The following CACNB4 variants were observed in gnomAD, a reference collection of about 807,000 sequenced individuals.
The protein encoded by CACNB4 is calcium voltage-gated channel auxiliary subunit beta 4, also known as voltage-dependent L-type calcium channel subunit beta-4.
In CACNB4, 32 loss-of-function variants were observed where a neutral mutation model predicts 71.2. The ratio of observed to expected loss-of-function variants is 0.45; its 90% CI spans 0.34 to 0.60. The LOEUF (loss-of-function observed/expected upper bound fraction) is 0.60. Among genes scored for constraint, CACNB4 ranks in the 20% least tolerant of loss-of-function variants. The probability of loss-of-function intolerance (pLI) is 0.01; values close to 1 mark genes in which losing one functional copy is unlikely to be tolerated. For missense variants in CACNB4, 464 were observed against 647.9 expected, an observed-to-expected ratio of 0.72 and a Z score of 3.08; for synonymous variants, 231 against 236.9, an observed-to-expected ratio of 0.97 and a Z score of 0.23.
intron 12 of CACNB4, chr2:151,851,504 A>C (rs1341571594): frequency 1.3e-5 from 2 of 152,216 alleles, no homozygotes; most frequent in Non-Finnish European, 2.9e-5. Context: ...ACCTGGGTAC[A>C]AGTCCTAAGG....
At chr2:151,892,468 G>A (rs2099850954) in intron 2 of CACNB4, among the ~76,000 whole-genome samples, 1 of 152,064 alleles carries the variant, frequency 6.6e-6, no homozygotes, top group Non-Finnish European at 1.5e-5. Flanking sequence ...CTTGAGCCTC[G>A]CCCATGTCAT....
chr2:152,089,276 C>T (rs1197344040), intron 2 of CACNB4, among the ~76,000 whole-genome samples: 1 of 152,144 alleles, frequency 6.6e-6, no homozygotes, highest in Non-Finnish European at 1.5e-5. Flanking sequence ...GATTGGGGTT[C>T]GTTGGGGATA....
At chr2:151,892,140 C>T (rs1428417667) in intron 2 of CACNB4, among the ~76,000 whole-genome samples, 1 of 152,102 alleles carries the variant, frequency 6.6e-6, no homozygotes, top group Admixed American at 6.5e-5. Context: ...ACTGATGAGG[C>T]GCTGATCATT....
chr2:151,971,663 C>A, intron 2 of CACNB4: 2 of 701,776 alleles, frequency 2.8e-6, no homozygotes, highest in Non-Finnish European at 5.2e-6. Flanking sequence ...TGGCTTGAAG[C>A]TCTGTTCACA....
chr2:151,869,381 A>G, intron 8 of CACNB4, 146 bp from the exon 9 acceptor site: 2 of 583,296 alleles, frequency 3.4e-6, no homozygotes, highest in Non-Finnish European at 6.3e-6. Flanking sequence ...TTACCATGGA[A>G]GGTGTTTTTC....
At chr2:152,062,535 G>A (rs960268278) in intron 2 of CACNB4, among the ~76,000 whole-genome samples, 4 of 152,104 alleles carry the variant, frequency 2.6e-5, no homozygotes, top group African/African-American at 7.2e-5. Context: ...CAAGCCAAGG[G>A]GGTACATACA....
At chr2:151,994,085 T>C (rs1681893376) in intron 2 of CACNB4, among the ~76,000 whole-genome samples, 1 of 151,800 alleles carries the variant, frequency 6.6e-6, no homozygotes, top group Non-Finnish European at 1.5e-5. Context: ...GGTAGGAGAA[T>C]TGCTTTAGCC....
intron 2 of CACNB4, among the ~76,000 whole-genome samples, chr2:152,034,465 C>T (rs916120631): frequency 1.3e-5 from 2 of 152,210 alleles, no homozygotes; most frequent in Admixed American, 6.5e-5. Flanking sequence ...CAACGCTTAT[C>T]CTGCAAGAGC....
chr2:152,049,855 T>C (rs897534301), intron 2 of CACNB4, among the ~76,000 whole-genome samples: 3 of 152,244 alleles, frequency 2.0e-5, no homozygotes, highest in African/African-American at 7.2e-5. Flanking sequence ...TTTTAGAGCG[T>C]TCAAGTTAAG....
intron 2 of CACNB4, among the ~76,000 whole-genome samples, chr2:151,891,754 T>C (rs2099850759): frequency 6.6e-6 from 1 of 152,220 alleles, no homozygotes; most frequent in Non-Finnish European, 1.5e-5. Context: ...AGTGAGATTG[T>C]GGAGCTCACT....
Position 151,960,526 on chromosome 2 carries a change from G to C in CACNB4, c.148-77156C>G, listed in dbSNP as rs190312275. Reference sequence around the variant, plus strand: ...CTGGGCACATAACCACCACCATTGCGATCGGTCCCAGGGAGGGCAGTGAAG... The same window carrying C: ...CTGGGCACATAACCACCACCATTGCCATCGGTCCCAGGGAGGGCAGTGAAG... On this transcript the variant is annotated intron_variant, in intron 2 of 13. Coordinates refer to ENST00000539935, the MANE Select transcript of CACNB4 (RefSeq NM_000726.5). 2.8e-3 allele frequency among the ~76,000 whole-genome samples: 434 copies of C among 152,284 alleles called. 5 individuals are homozygous for C. Among genetic ancestry groups the C allele is most frequent in the Middle Eastern group, 0.01 (3 of 294 alleles).
chr2:152,002,997 A>G (rs73013224), intron 2 of CACNB4, among the ~76,000 whole-genome samples: 3,414 of 152,350 alleles, frequency 0.022, 124 homozygotes, highest in African/African-American at 0.078. Context: ...CATTCCATCA[A>G]TGAACATCAT....
chr2:151,903,731 A>G (rs1372259422), intron 2 of CACNB4, among the ~76,000 whole-genome samples: 1 of 152,148 alleles, frequency 6.6e-6, no homozygotes, highest in Non-Finnish European at 1.5e-5. Context: ...TACTTGTTGT[A>G]TAAGGTAGGT....
chr2:152,070,475 C>G (rs916219337), intron 2 of CACNB4, among the ~76,000 whole-genome samples: 4 of 152,104 alleles, frequency 2.6e-5, no homozygotes, highest in African/African-American at 9.7e-5. Flanking sequence ...TGAAGTCATA[C>G]ATGCTTTTTT....
At chr2:151,862,526 A>G (rs1370976058) in intron 9 of CACNB4, among the ~76,000 whole-genome samples, 1 of 152,210 alleles carries the variant, frequency 6.6e-6, no homozygotes, top group African/African-American at 2.4e-5. Context: ...GTTTTTGCAG[A>G]TACACCTCAG....
chr2:151,931,997 A>G (rs2099861758), intron 2 of CACNB4, among the ~76,000 whole-genome samples: 1 of 152,186 alleles, frequency 6.6e-6, no homozygotes, highest in Non-Finnish European at 1.5e-5. Flanking sequence ...AAATATGACA[A>G]GAGGTATTTG....
At chr2:152,008,574 A>G (rs1200464535) in intron 2 of CACNB4, among the ~76,000 whole-genome samples, 2 of 152,072 alleles carry the variant, frequency 1.3e-5, no homozygotes, top group Non-Finnish European at 2.9e-5. Flanking sequence ...TGCCGGGATT[A>G]CAAGCATGAG....
chr2:152,011,932 C>A (rs551925482), intron 2 of CACNB4, among the ~76,000 whole-genome samples: 1 of 152,046 alleles, frequency 6.6e-6, no homozygotes, highest in East Asian at 1.9e-4. Context: ...GTTTTTGTGA[C>A]GATGCTAGTG....
intron 2 of CACNB4, among the ~76,000 whole-genome samples, chr2:152,009,836 G>T (rs1412852563): frequency 2.0e-5 from 3 of 152,142 alleles, no homozygotes; most frequent in African/African-American, 7.2e-5. Flanking sequence ...TTTCTAACTG[G>T]CTCCTCACCT....
Sources: gnomAD v4.1 joint callset for allele counts (sites outside exome capture counted in the v4.1 genomes callset) on GRCh38, gnomAD v4.1.1 for gene constraint, MANE v1.5 for transcripts, NCBI Gene and HGNC (gene_info 2026-07-23, HGNC 2026-07-21) for gene names.